The following ERBIN variants were observed in gnomAD, a reference collection of about 807,000 sequenced individuals.
ERBIN encodes the protein densin-180-like protein.
Under a neutral mutation model 158.4 loss-of-function variants are expected in ERBIN, and 60 were observed. That is an observed-to-expected ratio of 0.38 (90% CI 0.31 to 0.47). The LOEUF (loss-of-function observed/expected upper bound fraction) is 0.47. Ranked by LOEUF, ERBIN falls within the 20% of genes least tolerant of loss-of-function variation. ERBIN has a pLI of 0.99. For missense variants in ERBIN, 1,610 were observed against 1,648.0 expected, an observed-to-expected ratio of 0.98 and a Z score of 0.40; for synonymous variants, 594 against 557.2, an observed-to-expected ratio of 1.07 and a Z score of -0.93.
chr5:65,973,784 T>C (rs960845203), intron 1 of ERBIN, among the ~76,000 whole-genome samples: 1 of 151,216 alleles, frequency 6.6e-6, no homozygotes, highest in Non-Finnish European at 1.5e-5. Flanking sequence ...TAAAGGCAAA[T>C]TGGGAATAGA....
chr5:66,058,041 T>A (rs1228220313), intron 21 of ERBIN, among the ~76,000 whole-genome samples: 1 of 152,178 alleles, frequency 6.6e-6, no homozygotes, highest in Admixed American at 6.5e-5. Flanking sequence ...ATCCTTTAGG[T>A]ATATACCCAG....
intron 15 of ERBIN, among the ~76,000 whole-genome samples, chr5:66,040,210 T>C (rs73763077): frequency 0.027 from 4,057 of 152,000 alleles, 185 homozygotes; most frequent in African/African-American, 0.093. Context: ...AAAATATTTA[T>C]TTGACCCTTT....
At chr5:66,019,782 G>A (rs1257869782) in intron 7 of ERBIN, among the ~76,000 whole-genome samples, 1 of 151,954 alleles carries the variant, frequency 6.6e-6, no homozygotes, top group Non-Finnish European at 1.5e-5. Flanking sequence ...TTCTAAAACT[G>A]TTATGCCATT....
chr5:65,941,439 A>G (rs1022878681), intron 1 of ERBIN, among the ~76,000 whole-genome samples: 5 of 152,112 alleles, frequency 3.3e-5, no homozygotes, highest in South Asian at 2.1e-4. Flanking sequence ...GAGAATGTGC[A>G]TAGGTTATAT....
At chr5:65,957,114 C>G (rs542204499) in intron 1 of ERBIN, among the ~76,000 whole-genome samples, 2 of 152,060 alleles carry the variant, frequency 1.3e-5, no homozygotes, top group South Asian at 4.2e-4. Context: ...TAATTTAACC[C>G]TTTTTGTGAA....
chr5:65,995,912 T>C (rs1438367071), intron 4 of ERBIN, among the ~76,000 whole-genome samples: 1 of 152,224 alleles, frequency 6.6e-6, no homozygotes, highest in Non-Finnish European at 1.5e-5. Flanking sequence ...GTGTGTTTTG[T>C]TGAGAACTAT....
chr5:66,046,995 A>G (rs1158738053), intron 18 of ERBIN, among the ~76,000 whole-genome samples: 1 of 152,126 alleles, frequency 6.6e-6, no homozygotes, highest in East Asian at 1.9e-4. Flanking sequence ...TATCATACAA[A>G]TCACTTATTT....
chr5:65,946,599 C>A (rs1745776784), intron 1 of ERBIN, among the ~76,000 whole-genome samples: 1 of 152,144 alleles, frequency 6.6e-6, no homozygotes, highest in South Asian at 2.1e-4. Flanking sequence ...TGTGAATATT[C>A]ATGTAGAGGT....
chr5:66,068,836 G>A (rs1416284084), intron 21 of ERBIN: 1 of 1,477,786 alleles, frequency 6.8e-7, no homozygotes, highest in South Asian at 1.3e-5. Context: ...GATTTTGCAT[G>A]CTACACTAAT....
Position 65,936,724 on chromosome 5 carries a change from T to A in ERBIN, c.-58+9918T>A, listed in dbSNP as rs149973564. Among the ~76,000 whole-genome samples the A allele has an allele frequency of 4.3e-4, 66 of 152,320 alleles. No homozygotes were observed. The East Asian group carries it at 0.011, about 26-fold the overall frequency. On this transcript the variant is annotated intron_variant, in intron 1 of 25. Transcript: ENST00000284037. ...GAGGGTAAAAACAATTACCTTAATC[T>A]GTTTTTTCCCCAATTATAAAAATAA...
chr5:65,954,280 A>C (rs16894583), intron 1 of ERBIN, among the ~76,000 whole-genome samples: 1 of 152,118 alleles, frequency 6.6e-6, no homozygotes, highest in Non-Finnish European at 1.5e-5. Flanking sequence ...CTGAGCTGCA[A>C]CTCCGGTTTC....
intron 1 of ERBIN, among the ~76,000 whole-genome samples, chr5:65,974,230 T>C (rs1170431900): frequency 6.6e-6 from 1 of 152,186 alleles, no homozygotes; most frequent in Non-Finnish European, 1.5e-5. Context: ...GTGGACTTAT[T>C]ATGATGTGGA....
At chr5:66,002,207 A>G (rs1036560541) in intron 4 of ERBIN, among the ~76,000 whole-genome samples, 8 of 151,972 alleles carry the variant, frequency 5.3e-5, no homozygotes, top group South Asian at 4.2e-4. Flanking sequence ...TCTTTATCCA[A>G]TCTGTCATTG....
chr5:66,018,300 G>A (rs2084014036), intron 7 of ERBIN, among the ~76,000 whole-genome samples: 1 of 146,790 alleles, frequency 6.8e-6, no homozygotes, highest in Non-Finnish European at 1.5e-5. Flanking sequence ...CCATGAGCAT[G>A]GAGTATCTTT....
Position 66,054,264 on chromosome 5 carries a change from T to C in ERBIN, c.2946T>C (p.Ser982=), listed in dbSNP as rs1379099085. The change falls in exon 21 of 26, where the codon AGT becomes AGC. Residue 982 remains serine (S), a synonymous_variant. Transcript: ENST00000284037. ...CTCCACAGTATAATATCCAATACAGTAGCAGTGCTGCAGTCAAAGACACTT... is the reference window on the plus strand; with the variant it reads ...CTCCACAGTATAATATCCAATACAGCAGCAGTGCTGCAGTCAAAGACACTT... ...YGPPQYNIQY[S]SSAAVKDTLW... is the part of the protein sequence containing the mutation. 1.9e-6 allele frequency: 3 copies of C among 1,614,044 alleles called. No homozygotes were observed. Among genetic ancestry groups the C allele is most frequent in the Admixed American group, 3.3e-5 (2 of 59,998 alleles).
intron 5 of ERBIN, among the ~76,000 whole-genome samples, chr5:66,012,418 A>G (rs1754302772): frequency 6.6e-6 from 1 of 152,182 alleles, no homozygotes; most frequent in South Asian, 2.1e-4. Flanking sequence ...TGTTATTTAC[A>G]CCCTAGAGGA....
chr5:65,944,166 G>T (rs946566302), intron 1 of ERBIN, among the ~76,000 whole-genome samples: 6 of 150,998 alleles, frequency 4.0e-5, no homozygotes, highest in Non-Finnish European at 8.8e-5. Context: ...ATACACCGAA[G>T]CGGAATTGCT....
intron 1 of ERBIN, among the ~76,000 whole-genome samples, chr5:65,942,619 T>G (rs1167686889): frequency 6.6e-6 from 1 of 152,202 alleles, no homozygotes; most frequent in Non-Finnish European, 1.5e-5. Flanking sequence ...CTTCATGATC[T>G]CAAGTTTTAA....
intron 20 of ERBIN, among the ~76,000 whole-genome samples, chr5:66,052,615 A>T (rs1433219992): frequency 6.6e-6 from 1 of 152,208 alleles, no homozygotes; most frequent in Non-Finnish European, 1.5e-5. Context: ...CTGTATTTCT[A>T]GTAATGAAAG....
Sources: gnomAD v4.1 joint callset for allele counts (sites outside exome capture counted in the v4.1 genomes callset) on GRCh38, gnomAD v4.1.1 for gene constraint, MANE v1.5 for transcripts, NCBI Gene and HGNC (gene_info 2026-07-23, HGNC 2026-07-21) for gene names.